The following GALNTL6 variants were observed in gnomAD, a reference collection of about 807,000 sequenced individuals.
GALNTL6 encodes polypeptide N-acetylgalactosaminyltransferase-like 6.
A neutral mutation model predicts 73.7 loss-of-function variants in GALNTL6; 46 were observed. The ratio of observed to expected loss-of-function variants is 0.62; its 90% CI spans 0.49 to 0.80. The LOEUF is 0.80. Among genes scored for constraint, GALNTL6 ranks in the 30% least tolerant of loss-of-function variants. The pLI is 0.00. For synonymous variants in GALNTL6, 259 were observed against 263.7 expected (o/e 0.98, Z 0.17); for missense variants, 604 against 755.0 (o/e 0.80, Z 2.34).
At chr4:172,052,371 T>C (rs1456047268) in intron 2 of GALNTL6, 1 of 1,127,586 alleles carries the variant, frequency 8.9e-7, no homozygotes, top group Non-Finnish European at 1.3e-6. Flanking sequence ...TGAAGACCTA[T>C]GCACACCTTC....
intron 2 of GALNTL6, among the ~76,000 whole-genome samples, chr4:171,898,499 A>G (rs1009682053): frequency 7.9e-5 from 12 of 152,174 alleles, no homozygotes; most frequent in African/African-American, 2.9e-4. Flanking sequence ...TATTTATATT[A>G]TCATATACTA....
chr4:172,110,520 C>T (rs548750242), intron 2 of GALNTL6, among the ~76,000 whole-genome samples: 20 of 152,210 alleles, frequency 1.3e-4, no homozygotes, highest in African/African-American at 4.8e-4. Flanking sequence ...TCAGGATGTG[C>T]TATATTAGCC....
At chr4:172,812,163 G>A (rs1412835162) in intron 6 of GALNTL6, among the ~76,000 whole-genome samples, 2 of 152,196 alleles carry the variant, frequency 1.3e-5, no homozygotes, top group South Asian at 2.1e-4. Flanking sequence ...CTTCATCAGT[G>A]TCATCGAAAT....
At chr4:172,951,248 G>A (rs769820014) in intron 9 of GALNTL6, among the ~76,000 whole-genome samples, 6 of 152,194 alleles carry the variant, frequency 3.9e-5, no homozygotes, top group Admixed American at 1.3e-4. Context: ...ATGCAGGTAT[G>A]TGCTACTGTT....
At chr4:172,054,444 G>A (rs1377879454) in intron 2 of GALNTL6, among the ~76,000 whole-genome samples, 4 of 152,116 alleles carry the variant, frequency 2.6e-5, no homozygotes, top group African/African-American at 9.7e-5. Flanking sequence ...TGATGGAATG[G>A]CTTATAAACA....
At chr4:171,871,599 GAAGAAGTT>G in intron 2 of GALNTL6, among the ~76,000 whole-genome samples, 1 of 152,072 alleles carries the variant, frequency 6.6e-6, no homozygotes, top group Middle Eastern at 3.4e-3. Context: ...TACTAAATAG[GAAGAAGTT>G]AAGCAAAAAT....
At chr4:171,928,120 A>G (rs1738044212) in intron 2 of GALNTL6, among the ~76,000 whole-genome samples, 1 of 152,200 alleles carries the variant, frequency 6.6e-6, no homozygotes, top group South Asian at 2.1e-4. Context: ...GTTTTTTCAA[A>G]TTATATCTTC....
chr4:172,600,590 A>G (rs1028942315), intron 5 of GALNTL6, among the ~76,000 whole-genome samples: 3 of 152,170 alleles, frequency 2.0e-5, no homozygotes, highest in Non-Finnish European at 4.4e-5. Flanking sequence ...ATGTGCCTGG[A>G]GTAAAACTAC....
chr4:172,488,472 C>T (rs1733774822), intron 5 of GALNTL6, among the ~76,000 whole-genome samples: 1 of 152,064 alleles, frequency 6.6e-6, no homozygotes, highest in South Asian at 2.1e-4. Flanking sequence ...GGCCATTAGC[C>T]GGAGCATATA....
intron 5 of GALNTL6, among the ~76,000 whole-genome samples, chr4:172,646,574 A>G (rs1740252426): frequency 6.6e-6 from 1 of 152,022 alleles, no homozygotes; most frequent in Admixed American, 6.6e-5. Flanking sequence ...TTAGTACTAC[A>G]TAGTCTGTAT....
chr4:172,819,594 A>C (rs1481688501), intron 7 of GALNTL6, among the ~76,000 whole-genome samples: 1 of 152,166 alleles, frequency 6.6e-6, no homozygotes, highest in Non-Finnish European at 1.5e-5. Flanking sequence ...TTCACACGTG[A>C]TGAAGGGGAA....
intron 10 of GALNTL6, among the ~76,000 whole-genome samples, chr4:172,971,523 T>C (rs990823053): frequency 2.6e-5 from 4 of 151,976 alleles, no homozygotes; most frequent in Admixed American, 2.6e-4. Flanking sequence ...AAGTAACAAG[T>C]GGGGAAAGTG....
intron 2 of GALNTL6, among the ~76,000 whole-genome samples, chr4:172,152,746 T>C (rs904775670): frequency 2.6e-5 from 4 of 152,108 alleles, no homozygotes; most frequent in African/African-American, 9.7e-5. Flanking sequence ...GTAGCTGGGA[T>C]TACAGGCACC....
chr4:172,102,418 A>T (rs2110962654), intron 2 of GALNTL6, among the ~76,000 whole-genome samples: 1 of 152,304 alleles, frequency 6.6e-6, no homozygotes, highest in East Asian at 1.9e-4. Context: ...TTAGGCCAAG[A>T]GTTGTGACCC....
chr4:172,397,654 C>T (rs1488869095), intron 5 of GALNTL6, among the ~76,000 whole-genome samples: 4 of 151,684 alleles, frequency 2.6e-5, no homozygotes, highest in East Asian at 1.9e-4. Context: ...CTCTGCTCAC[C>T]GCAACCTTTG....
intron 3 of GALNTL6, among the ~76,000 whole-genome samples, chr4:172,244,803 C>T (rs570312338): frequency 6.6e-6 from 1 of 152,284 alleles, no homozygotes; most frequent in East Asian, 1.9e-4. Flanking sequence ...TTTCGCTTTG[C>T]TTCTGGATTT....
At chr4:172,097,406 G>A (rs1384195580) in intron 2 of GALNTL6, among the ~76,000 whole-genome samples, 1 of 152,144 alleles carries the variant, frequency 6.6e-6, no homozygotes, top group Non-Finnish European at 1.5e-5. Flanking sequence ...ACTGAGGTTG[G>A]ATAGATAACA....
intron 2 of GALNTL6, among the ~76,000 whole-genome samples, chr4:172,118,721 A>C (rs541204678): frequency 9.2e-5 from 14 of 151,986 alleles, no homozygotes; most frequent in African/African-American, 3.4e-4. Flanking sequence ...GAAAAAAAAA[A>C]ACCAAAAAAC....
chr4:172,753,750 G>T (rs1175789260), intron 5 of GALNTL6, among the ~76,000 whole-genome samples: 3 of 152,216 alleles, frequency 2.0e-5, no homozygotes, highest in Non-Finnish European at 2.9e-5. Context: ...AGATTAGTTT[G>T]CTAGGCAGTT....
Sources: allele counts gnomAD v4.1 joint callset (sites outside exome capture counted in the v4.1 genomes callset), GRCh38; gene constraint gnomAD v4.1.1; transcripts MANE v1.5; gene names NCBI Gene and HGNC (gene_info 2026-07-23, HGNC 2026-07-21).